Variants in CRIM1 observed in about 807,000 individuals in gnomAD.
CRIM1 encodes cysteine-rich motor neuron 1 protein.
Under a neutral mutation model 116.4 loss-of-function variants are expected in CRIM1, and 32 were observed. That is an observed-to-expected ratio of 0.27 (90% CI 0.21 to 0.37). The LOEUF (loss-of-function observed/expected upper bound fraction) is 0.37, where lower values mean the gene tolerates loss of function less well. CRIM1 is among the 10% of genes least tolerant of loss of function. CRIM1 has a pLI of 1.00. For missense variants in CRIM1, 1,331 were observed against 1,354.8 expected, an observed-to-expected ratio of 0.98 and a Z score of 0.28; for synonymous variants, 590 against 509.2, an observed-to-expected ratio of 1.16 and a Z score of -2.13.
In CRIM1 at chr2:36,359,324, C is replaced by A. The variant is rs13428227; in HGVS notation, c.331+2701C>A. On this transcript the variant is annotated intron_variant, in intron 1 of 16. Coordinates refer to ENST00000280527, the MANE Select transcript of CRIM1 (RefSeq NM_016441.3). ...AATATTATCATGACTAATCTCCCTG[C>A]TTTCGATGACATAATTTAAATACAA... Among the ~76,000 whole-genome samples, 1,129 of 152,318 alleles carry A rather than the reference C, an allele frequency of 7.4e-3. 3 individuals carry two copies. The highest frequency in any genetic ancestry group is 0.013 in the Non-Finnish European group (864 of 68,036).
At position 36,512,285 on chromosome 2, in the gene CRIM1, C is replaced by A. The variant is rs138805655; in HGVS notation, c.1671C>A (p.His557Gln). 6.2e-7 allele frequency: 1 copy of A among 1,613,204 alleles called. No individual in the cohort carries two copies. Among genetic ancestry groups the A allele is most frequent in the Middle Eastern group, 1.7e-4 (1 of 6,058 alleles). ...TTTAATTACCCAGGAAGAATAAGCA[C>A]GGCTGTGACATCTGTCGCTGTAAGA... ...YCPLGLLKNK[H>Q]GCDICRCKKC... The change falls in exon 10 of 17, where the codon CAC (histidine) becomes CAA (glutamine). Residue 557 changes from histidine (H) to glutamine (Q), a missense_variant. His to Gln is a conservative substitution (Grantham distance 24). Around this residue, in one of 3 missense-constraint regions of CRIM1, gnomAD observed 358 missense variants for 436.1 expected, o/e 0.82. Coordinates refer to ENST00000280527, the MANE Select transcript of CRIM1 (RefSeq NM_016441.3).
chr2:36,543,292 C>G (rs974265880), intron 14 of CRIM1, among the ~76,000 whole-genome samples: 1 of 152,196 alleles, frequency 6.6e-6, no homozygotes, highest in African/African-American at 2.4e-5. Flanking sequence ...AGCAAGTACT[C>G]TCTTCTCTAT....
At chr2:36,517,199 A>G in intron 11 of CRIM1, 128 bp from the exon 12 acceptor site, 1 of 689,624 alleles carries the variant, frequency 1.5e-6, no homozygotes, top group Non-Finnish European at 2.5e-6. Flanking sequence ...CTATTCTCTT[A>G]ATAAGAATAG....
chr2:36,437,633 T>G (rs1376572387), intron 2 of CRIM1, among the ~76,000 whole-genome samples: 3 of 152,164 alleles, frequency 2.0e-5, no homozygotes, highest in African/African-American at 7.2e-5. Context: ...TTTAATAAGA[T>G]TTAACCTGCA....
At chr2:36,532,139 A>G (rs1014702934) in intron 13 of CRIM1, 5 of 371,852 alleles carry the variant, frequency 1.3e-5, no homozygotes, top group Non-Finnish European at 2.2e-5. Context: ...AATAGTAACC[A>G]TCTTCTTTGC....
At position 36,550,634 on chromosome 2, in the gene CRIM1, G is replaced by C. The variant is rs1218547243; in HGVS notation, c.*1933G>C. 2 of 152,254 alleles carry C rather than the reference G, an allele frequency of 1.3e-5. No homozygotes were observed. The highest frequency in any genetic ancestry group is 3.9e-4 in the East Asian group (2 of 5,190). The allele number at this position is 152,254 out of a possible 1,614,324, so 9.4% of individuals were successfully genotyped here. On this transcript the variant is annotated 3_prime_UTR_variant, in exon 17 of 17. Transcript: ENST00000280527. ...AGAATATCAAAAAGAAAAAGAAAAA[G>C]GTGTTCTAGCTGTTTGCATCAAAGG...
At chr2:36,406,844 C>G (rs747084400) in intron 2 of CRIM1, among the ~76,000 whole-genome samples, 1 of 152,094 alleles carries the variant, frequency 6.6e-6, no homozygotes. Flanking sequence ...TGGTATTATG[C>G]TTGTGAATGT....
chr2:36,399,517 G>T (rs1383615425), intron 2 of CRIM1, among the ~76,000 whole-genome samples: 2 of 152,146 alleles, frequency 1.3e-5, no homozygotes, highest in Admixed American at 1.3e-4. Flanking sequence ...ATGATTCTAG[G>T]GTTTCTAACC....
chr2:36,474,948 T>C (rs1335287602), intron 5 of CRIM1, among the ~76,000 whole-genome samples: 2 of 151,996 alleles, frequency 1.3e-5, no homozygotes, highest in African/African-American at 4.8e-5. Flanking sequence ...CTCAATTCCA[T>C]TGAACTATAT....
At chr2:36,475,790 G>A (rs553580016) in intron 5 of CRIM1, among the ~76,000 whole-genome samples, 1 of 152,274 alleles carries the variant, frequency 6.6e-6, no homozygotes, top group Non-Finnish European at 1.5e-5. Flanking sequence ...TATCATGAAA[G>A]AATATTAGAT....
At chr2:36,521,430 T>C (rs78287935) in intron 12 of CRIM1, among the ~76,000 whole-genome samples, 5,654 of 152,288 alleles carry the variant, frequency 0.037, 142 homozygotes, top group African/African-American at 0.082. Context: ...CAAAATTGCA[T>C]GTGGCCACAA....
intron 13 of CRIM1, among the ~76,000 whole-genome samples, chr2:36,533,908 G>C (rs569484705): frequency 2.7e-5 from 4 of 149,758 alleles, no homozygotes; most frequent in South Asian, 2.2e-4. Context: ...CGTGTGTGGA[G>C]AGAGGAAGGG....
chr2:36,548,498 G>C (rs1474403514), intron 16 of CRIM1, 27 bp from the exon 17 acceptor site: 1 of 1,512,020 alleles, frequency 6.6e-7, no homozygotes, highest in Non-Finnish European at 8.8e-7. Flanking sequence ...AATTTTTTGT[G>C]GTTTTATTCC....
intron 4 of CRIM1, among the ~76,000 whole-genome samples, chr2:36,457,747 T>G (rs371573430): frequency 6.6e-6 from 1 of 151,888 alleles, no homozygotes; most frequent in East Asian, 1.9e-4. Flanking sequence ...ATATTTTATT[T>G]GCAGCCTTTA....
At chr2:36,413,608 G>T (rs1673373779) in intron 2 of CRIM1, among the ~76,000 whole-genome samples, 3 of 152,148 alleles carry the variant, frequency 2.0e-5, no homozygotes, top group Non-Finnish European at 4.4e-5. Flanking sequence ...AATACAAATT[G>T]CGTATAAAAT....
At chr2:36,411,204 T>A (rs998685223) in intron 2 of CRIM1, among the ~76,000 whole-genome samples, 1 of 152,234 alleles carries the variant, frequency 6.6e-6, no homozygotes, top group Non-Finnish European at 1.5e-5. Context: ...AACTTATTTC[T>A]GTTTCATCTG....
intron 5 of CRIM1, among the ~76,000 whole-genome samples, chr2:36,471,615 A>G (rs1678520466): frequency 6.6e-6 from 1 of 152,178 alleles, no homozygotes; most frequent in Non-Finnish European, 1.5e-5. Flanking sequence ...TACTTAATAG[A>G]CTATAGCAGG....
rs893034914 is a variant in CRIM1, at chr2:36,513,623, T to C, written c.1848T>C (p.His616=). ...GTCLTVDGHH[H]KNEESWHDGC... ...GTCTCACCGTGGATGGTCATCATCATAAAAATGAGGAGAGCTGGCACGATG... is the reference window on the plus strand; with the variant it reads ...GTCTCACCGTGGATGGTCATCATCACAAAAATGAGGAGAGCTGGCACGATG... The change falls in exon 11 of 17, where the codon CAT becomes CAC. Residue 616 remains histidine, a synonymous_variant. Transcript: ENST00000280527. The C allele has an allele frequency of 6.2e-7, 1 of 1,614,006 alleles. No individual in the cohort carries two copies. The highest frequency in any genetic ancestry group is 8.5e-7 in the Non-Finnish European group (1 of 1,180,014).
chr2:36,364,995 C>T (rs1333479489), intron 1 of CRIM1, among the ~76,000 whole-genome samples: 3 of 152,102 alleles, frequency 2.0e-5, no homozygotes, highest in Admixed American at 6.5e-5. Flanking sequence ...CTTGTGGGCA[C>T]ACATTTCCTC....
Sources: gnomAD v4.1 joint callset for allele counts (sites outside exome capture counted in the v4.1 genomes callset) on GRCh38, gnomAD v4.1.1 for gene constraint, gnomAD v4.1.1 regional missense constraint, MANE v1.5 for transcripts, NCBI Gene and HGNC (gene_info 2026-07-23, HGNC 2026-07-21) for gene names.